The following NPPA variants were observed in gnomAD, a reference collection of about 807,000 sequenced individuals.
NPPA encodes natriuretic peptides A.
NPPA carries 10 observed loss-of-function variants against 12.2 expected under a neutral mutation model. The ratio of observed to expected loss-of-function variants is 0.82; its 90% CI spans 0.50 to 1.38. The LOEUF is 1.38. Among genes scored for constraint, NPPA ranks in the 40% most tolerant of loss-of-function variants. The probability of loss-of-function intolerance (pLI) is 0.00; values close to 1 mark genes in which losing one functional copy is unlikely to be tolerated. For synonymous variants in NPPA, 85 were observed against 80.2 expected, an observed-to-expected ratio of 1.06 and a Z score of -0.32; for missense variants, 207 against 193.5, an observed-to-expected ratio of 1.07 and a Z score of -0.41.
In NPPA at chr1:11,847,703, C is replaced by G. The variant is rs1405546863; in HGVS notation, c.-19G>C. The G allele has an allele frequency of 6.2e-7, 1 of 1,613,962 alleles. No homozygotes were observed. The highest frequency in any genetic ancestry group is 8.5e-7 in the Non-Finnish European group (1 of 1,180,024). ...AGCTCATGCTGGCGTCGTCAAGGAG[C>G]AATCCACTGCTTGCTGCTCTGTCTC... On this transcript the variant is annotated 5_prime_UTR_variant, in exon 1 of 3. Coordinates refer to ENST00000376480, the MANE Select transcript of NPPA (RefSeq NM_006172.4).
intron 2 of NPPA, 141 bp downstream of exon 2, chr1:11,846,972 A>G (rs1293285645): frequency 2.2e-6 from 1 of 445,306 alleles, no homozygotes; most frequent in Non-Finnish European, 3.7e-6. Flanking sequence ...AATAGATGGC[A>G]TGTCCTGACA....
intron 2 of NPPA, 79 bp downstream of exon 2, chr1:11,847,034 C>CA: frequency 7.5e-7 from 1 of 1,331,082 alleles, no homozygotes. Context: ...GAATGAGCTT[C>CA]TGCATTGGTC....
In NPPA at chr1:11,847,632, T is replaced by C. The variant is rs750190514; in HGVS notation, c.53A>G (p.Gln18Arg). The C allele has an allele frequency of 6.2e-7, 1 of 1,614,054 alleles. No homozygotes were observed. The highest frequency in any genetic ancestry group is 8.5e-7 in the Non-Finnish European group (1 of 1,180,014). Residue 18 changes from glutamine to arginine, a missense_variant, in exon 1 of 3, where the codon CAG becomes CGG. Transcript: ENST00000376480. ...TVSFLLLLAF[Q>R]LLGQTRANPM... The stretch of plus-strand genomic sequence containing the variant: ...ATTAGCTCTGGTCTGACCTAGGAGC[T>C]GGAATGCCAGTAAAAGGAGGAAGCT...
Position 11,847,224 on chromosome 1 carries a change from G to A in NPPA, c.339C>T (p.Ser113=). 1.2e-6 allele frequency: 2 copies of A among 1,612,262 alleles called. No homozygotes were observed. Among genetic ancestry groups the A allele is most frequent in the Non-Finnish European group, 1.7e-6 (2 of 1,178,518 alleles). Residue 113 remains serine, a synonymous_variant, in exon 2 of 3, where the codon AGC becomes AGT. Transcript: ENST00000376480. The stretch of plus-strand genomic sequence containing the variant: ...GGGCAGTGAGCAGCGCCCTCAGCTT[G>A]CTTTTTAGGAGGGCAGATCGATCAG... ...DSSDRSALLK[S]KLRALLTAPR...
In NPPA at chr1:11,847,510, C is replaced by T. The variant is rs72639211; in HGVS notation, c.123+52G>A. 6,273 of 1,614,102 alleles carry T rather than the reference C, an allele frequency of 3.9e-3. 226 individuals carry two copies. In the African/African-American group the frequency reaches 0.074, roughly 19 times the overall value. On this transcript the variant is annotated intron_variant, in intron 1 of 2. Coordinates refer to ENST00000376480, the MANE Select transcript of NPPA (RefSeq NM_006172.4). ...TGGAGGAAATCAAGAGGAGTGAGCA[C>T]AGCATCAGAAAGCCCCCTGGCCCCA... is the stretch of plus-strand genomic sequence containing the variant.
At position 11,847,100 on chromosome 1, in the gene NPPA, C is replaced by A; in HGVS notation, c.450+13G>T. On this transcript the variant is annotated intron_variant, in intron 2 of 2. Transcript: ENST00000376480. ...GTCCATCCCATCCCATTTCCATCCC[C>A]AGTTCCTCTTACCCGGAAGCTGTTA... 1.3e-6 allele frequency: 2 copies of A among 1,521,160 alleles called. No homozygotes were observed. Among genetic ancestry groups the A allele is most frequent in the South Asian group, 1.3e-5 (1 of 75,928 alleles). 94.2% of individuals were successfully genotyped at this position (1,521,160 alleles called of 1,614,324 possible). A position where few individuals can be genotyped will look rare whatever the true frequency, so the allele number is the denominator to read the frequency against.
chr1:11,847,693 C>G lies in NPPA; in HGVS notation c.-9G>C, dbSNP rs377243041. ...GTGGAGAAGGAGCTCATGCTGGCGT[C>G]GTCAAGGAGCAATCCACTGCTTGCT... On this transcript the variant is annotated 5_prime_UTR_variant, in exon 1 of 3. Transcript: ENST00000376480. 3 of 1,613,918 alleles carry G rather than the reference C, an allele frequency of 1.9e-6. No homozygotes were observed. The highest frequency in any genetic ancestry group is 2.5e-6 in the Non-Finnish European group (3 of 1,180,030).
chr1:11,847,549 T>C lies in NPPA; in HGVS notation c.123+13A>G. 6.2e-7 allele frequency: 1 copy of C among 1,614,208 alleles called. No homozygotes were observed. The highest frequency in any genetic ancestry group is 8.5e-7 in the Non-Finnish European group (1 of 1,180,030). On this transcript the variant is annotated intron_variant, in intron 1 of 2. Transcript: ENST00000376480. The stretch of plus-strand genomic sequence containing the variant: ...CCCCTGGCCCCAGACTGCACCCGCT[T>C]TCCTGGCCCTACCTTGAAATCCATC...
At chr1:11,846,628 T>C (rs1645070570) in intron 2 of NPPA, among the ~76,000 whole-genome samples, 1 of 142,842 alleles carries the variant, frequency 7.0e-6, no homozygotes, top group Non-Finnish European at 1.5e-5. Flanking sequence ...CCTTTTTTTT[T>C]TTTTTTTGAG....
Position 11,846,034 on chromosome 1 carries a change from A to C in NPPA, c.451-20T>G. On this transcript the variant is annotated intron_variant, in intron 2 of 2. Transcript: ENST00000376480. Reference sequence around the variant, plus strand: ...TCAGTACTGCAAAGAGAACACAGACATATCTGGCTTGGTGACCTGGCTGTC... The same window carrying C: ...TCAGTACTGCAAAGAGAACACAGACCTATCTGGCTTGGTGACCTGGCTGTC... The C allele has an allele frequency of 6.2e-7, 1 of 1,614,014 alleles. No homozygotes were observed. The highest frequency in any genetic ancestry group is 8.5e-7 in the Non-Finnish European group (1 of 1,179,920).
At chr1:11,847,062 G>C (rs762849641) in intron 2 of NPPA, 51 bp downstream of exon 2, 1 of 1,469,332 alleles carries the variant, frequency 6.8e-7, no homozygotes, top group Non-Finnish European at 9.1e-7. Context: ...TGCTGAAGGT[G>C]TCTCCCAGTA....
At chr1:11,847,064 C>T in intron 2 of NPPA, 49 bp downstream of exon 2, 2 of 1,485,030 alleles carry the variant, frequency 1.3e-6, no homozygotes, top group South Asian at 1.4e-5. Flanking sequence ...CTGAAGGTGT[C>T]TCCCAGTAGT....
chr1:11,846,989 G>A, intron 2 of NPPA, 124 bp downstream of exon 2: 1 of 828,164 alleles, frequency 1.2e-6, no homozygotes, highest in Admixed American at 2.6e-5. Flanking sequence ...GACACCCATG[G>A]GGCACTCTGG....
Position 11,845,989 on chromosome 1 carries a change from G to T in NPPA, c.*20C>A, listed in dbSNP as rs752551489. The T allele has an allele frequency of 5.0e-6, 8 of 1,613,712 alleles. No individual in the cohort carries two copies. The highest frequency in any genetic ancestry group is 5.9e-6 in the Non-Finnish European group (7 of 1,179,644). ...TCTGTCCCTAGGCCCAGCCCTGCTT[G>T]TCCTCCCTGGCTGTTATCTTCAGTA... is the stretch of plus-strand genomic sequence containing the variant. On this transcript the variant is annotated 3_prime_UTR_variant, in exon 3 of 3. Coordinates refer to ENST00000376480, the MANE Select transcript of NPPA (RefSeq NM_006172.4).
In NPPA at chr1:11,847,409, G is replaced by A. The variant is rs1278041804; in HGVS notation, c.154C>T (p.Pro52Ser). Reference protein sequence around the residue: ...NLLDHLEEKMPLEDEVVPPQV... With the variant: ...NLLDHLEEKMSLEDEVVPPQV... ...GGGGGCACGACCTCATCTTCTAAAG[G>A]CATCTTTTCTTCCAAATGGTCCAGC... The change falls in exon 2 of 3, where the codon CCT becomes TCT. Residue 52 changes from proline (P) to serine (S), a missense_variant. By Grantham distance (74) the Pro-to-Ser change is moderately conservative. Transcript: ENST00000376480. The A allele has an allele frequency of 1.9e-6, 3 of 1,613,964 alleles. No homozygotes were observed. The highest frequency in any genetic ancestry group is 2.5e-6 in the Non-Finnish European group (3 of 1,180,024).
chr1:11,846,394 A>T (rs1382236006), intron 2 of NPPA, among the ~76,000 whole-genome samples: 1 of 134,582 alleles, frequency 7.4e-6, no homozygotes, highest in Non-Finnish European at 1.5e-5. Flanking sequence ...ATCTCTGCTC[A>T]CTGCAAGCTC....
In NPPA at chr1:11,847,410, C is replaced by T; in HGVS notation, c.153G>A (p.Met51Ile). The change falls in exon 2 of 3, where the codon ATG becomes ATA. Residue 51 changes from methionine (M) to isoleucine (I), a missense_variant. Transcript: ENST00000376480. The part of the protein sequence containing the change: ...KNLLDHLEEK[M>I]PLEDEVVPPQ... ...GGGGCACGACCTCATCTTCTAAAGGCATCTTTTCTTCCAAATGGTCCAGCA... is the reference window on the plus strand; with the variant it reads ...GGGGCACGACCTCATCTTCTAAAGGTATCTTTTCTTCCAAATGGTCCAGCA... The T allele has an allele frequency of 1.2e-6, 2 of 1,614,084 alleles. No homozygotes were observed. Among genetic ancestry groups the T allele is most frequent in the Non-Finnish European group, 1.7e-6 (2 of 1,180,026 alleles).
At chr1:11,846,995 T>A (rs1645073358) in intron 2 of NPPA, 118 bp downstream of exon 2, 2 of 770,076 alleles carry the variant, frequency 2.6e-6, no homozygotes, top group East Asian at 4.2e-5. Context: ...CATGGGGCAC[T>A]CTGGGTGTTG....
chr1:11,846,046 G>C, intron 2 of NPPA, 32 bp from the exon 3 acceptor site: 1 of 1,613,720 alleles, frequency 6.2e-7, no homozygotes, highest in East Asian at 2.2e-5. Context: ...ATCTGGCTTG[G>C]TGACCTGGCT....
Sources: allele counts gnomAD v4.1 joint callset (sites outside exome capture counted in the v4.1 genomes callset), GRCh38; gene constraint gnomAD v4.1.1; transcripts MANE v1.5; gene names NCBI Gene and HGNC (gene_info 2026-07-23, HGNC 2026-07-21).